LRRC4C: variants seen among roughly 807,000 people sequenced by gnomAD.
LRRC4C encodes leucine rich repeat containing 4C.
Under a neutral mutation model 33.6 loss-of-function variants are expected in LRRC4C, and 5 were observed. The ratio of observed to expected loss-of-function variants is 0.15; its 90% CI spans 0.08 to 0.31. The LOEUF (loss-of-function observed/expected upper bound fraction) is 0.31, where lower values mean the gene tolerates loss of function less well. LRRC4C is among the 10% of genes least tolerant of loss of function. LRRC4C has a pLI of 1.00. For missense variants in LRRC4C, 560 were observed against 796.7 expected, an observed-to-expected ratio of 0.70 and a Z score of 3.58; for synonymous variants, 329 against 302.0, an observed-to-expected ratio of 1.09 and a Z score of -0.93.
intron 1 of LRRC4C, among the ~76,000 whole-genome samples, chr11:41,318,107 A>T (rs1412137172): frequency 2.6e-5 from 4 of 152,214 alleles, no homozygotes; most frequent in Non-Finnish European, 5.9e-5. Flanking sequence ...TATTATTGGA[A>T]AAATCAAGTT....
intron 4 of LRRC4C, among the ~76,000 whole-genome samples, chr11:40,243,446 G>A (rs1866075205): frequency 6.6e-6 from 1 of 151,376 alleles, no homozygotes; most frequent in African/African-American, 2.4e-5. Context: ...TATTATTGAT[G>A]AGAAAACTGA....
chr11:40,155,818 A>T (rs568130639), intron 5 of LRRC4C, among the ~76,000 whole-genome samples: 1 of 152,228 alleles, frequency 6.6e-6, no homozygotes, highest in African/African-American at 2.4e-5. Flanking sequence ...TTATTCCACA[A>T]GATAAAGAAA....
At chr11:40,328,845 A>G (rs1338439789) in intron 3 of LRRC4C, among the ~76,000 whole-genome samples, 1 of 152,262 alleles carries the variant, frequency 6.6e-6, no homozygotes, top group African/African-American at 2.4e-5. Context: ...TAGACAATTC[A>G]TAAATGTGAA....
At chr11:40,275,684 G>A (rs996092348) in intron 4 of LRRC4C, among the ~76,000 whole-genome samples, 1 of 152,076 alleles carries the variant, frequency 6.6e-6, no homozygotes, top group Non-Finnish European at 1.5e-5. Flanking sequence ...TAATGGAGAA[G>A]GTTGGCTGGC....
chr11:40,733,276 C>T (rs11036044), intron 2 of LRRC4C, among the ~76,000 whole-genome samples: 52,850 of 151,052 alleles, frequency 0.35, 9,569 homozygotes, highest in Middle Eastern at 0.42. Context: ...AGGGTTTCAC[C>T]ATGTTAGCCA....
intron 3 of LRRC4C, among the ~76,000 whole-genome samples, chr11:40,543,812 T>G (rs1956812918): frequency 6.6e-6 from 1 of 152,196 alleles, no homozygotes; most frequent in South Asian, 2.1e-4. Flanking sequence ...AGGAAACTTG[T>G]CAACAGTGAT....
chr11:41,200,332 G>T (rs1385289983), intron 1 of LRRC4C, among the ~76,000 whole-genome samples: 1 of 152,048 alleles, frequency 6.6e-6, no homozygotes, highest in Non-Finnish European at 1.5e-5. Context: ...AAGTAAAAAG[G>T]CATTATTTCT....
At chr11:40,548,152 A>C (rs1260409891) in intron 3 of LRRC4C, among the ~76,000 whole-genome samples, 1 of 152,068 alleles carries the variant, frequency 6.6e-6, no homozygotes, top group Admixed American at 6.6e-5. Flanking sequence ...AAAATCACTG[A>C]AGAAAATAAA....
chr11:41,109,939 G>T (rs74437907), intron 1 of LRRC4C, among the ~76,000 whole-genome samples: 2,226 of 152,046 alleles, frequency 0.015, 62 homozygotes, highest in African/African-American at 0.05. Flanking sequence ...TTGAGACAAT[G>T]GTCTTTATAA....
chr11:41,090,014 TC>T (rs1670570951), intron 1 of LRRC4C, among the ~76,000 whole-genome samples: 1 of 133,116 alleles, frequency 7.5e-6, no homozygotes, highest in East Asian at 2.2e-4. Flanking sequence ...ATATTGATAT[TC>T]AAAAAAAAAT....
chr11:40,894,926 T>C (rs1436792686), intron 2 of LRRC4C, among the ~76,000 whole-genome samples: 1 of 152,172 alleles, frequency 6.6e-6, no homozygotes, highest in Non-Finnish European at 1.5e-5. Flanking sequence ...CATCTTTTTG[T>C]AAGCTCCATG....
intron 2 of LRRC4C, among the ~76,000 whole-genome samples, chr11:40,735,681 G>A (rs1455226731): frequency 7.3e-5 from 10 of 136,188 alleles, no homozygotes; most frequent in Non-Finnish European, 1.1e-4. Context: ...CCCAGTAATG[G>A]GATGGCTGGG....
intron 1 of LRRC4C, among the ~76,000 whole-genome samples, chr11:41,143,908 A>T (rs887956461): frequency 1.3e-5 from 2 of 152,176 alleles, no homozygotes; most frequent in Non-Finnish European, 2.9e-5. Context: ...GCTTCCACAT[A>T]CAGTTTTAAA....
chr11:41,298,250 T>G (rs960627002), intron 1 of LRRC4C, among the ~76,000 whole-genome samples: 1 of 152,106 alleles, frequency 6.6e-6, no homozygotes, highest in Non-Finnish European at 1.5e-5. Context: ...AAGTACAAAT[T>G]ACAGACAGAA....
At chr11:41,113,535 A>C (rs1941958504) in intron 1 of LRRC4C, among the ~76,000 whole-genome samples, 1 of 152,052 alleles carries the variant, frequency 6.6e-6, no homozygotes, top group African/African-American at 2.4e-5. Context: ...CATGTTTTAA[A>C]ATGTGTTGGA....
At chr11:41,297,643 C>T (rs73486010) in intron 1 of LRRC4C, among the ~76,000 whole-genome samples, 16,826 of 151,932 alleles carry the variant, frequency 0.11, 1,168 homozygotes, top group Middle Eastern at 0.23. Context: ...TTTCTACTAA[C>T]GATAAATGGA....
chr11:41,347,179 G>A (rs1951829820), intron 1 of LRRC4C, among the ~76,000 whole-genome samples: 1 of 152,148 alleles, frequency 6.6e-6, no homozygotes, highest in Admixed American at 6.5e-5. Context: ...GTCCATCAGA[G>A]GAAACTCTCT....
chr11:41,006,182 G>C (rs1854740378), intron 1 of LRRC4C, among the ~76,000 whole-genome samples: 1 of 152,168 alleles, frequency 6.6e-6, no homozygotes, highest in Admixed American at 6.5e-5. Context: ...CTATGACTGA[G>C]TGTGTCATTC....
At position 40,665,324 on chromosome 11, in the gene LRRC4C, A is replaced by T. The variant is rs1943699743; in HGVS notation, c.-406-17046T>A. Among the ~76,000 whole-genome samples the T allele has an allele frequency of 2.9e-4, 3 of 10,310 alleles. No individual in the cohort carries two copies. The Admixed American group carries it at 5.7e-3, about 20-fold the overall frequency. 6.8% of individuals were successfully genotyped at this position (10,310 alleles called of 152,430 possible). ...TTGCTTTCTTAAAAAAAAAAAAAAAAAATATATATATATATATATATATAT... is the reference window on the plus strand; with the variant it reads ...TTGCTTTCTTAAAAAAAAAAAAAAATAATATATATATATATATATATATAT... On this transcript the variant is annotated intron_variant, in intron 2 of 6. Transcript: ENST00000528697.
Sources: allele counts gnomAD v4.1 joint callset (sites outside exome capture counted in the v4.1 genomes callset), GRCh38; gene constraint gnomAD v4.1.1; transcripts MANE v1.5; gene names NCBI Gene and HGNC (gene_info 2026-07-23, HGNC 2026-07-21).